Variants in TMPRSS15 observed in about 807,000 individuals in gnomAD.
The protein encoded by TMPRSS15 is transmembrane serine protease 15.
TMPRSS15 carries 128 observed loss-of-function variants against 125.3 expected under a neutral mutation model. The ratio of observed to expected loss-of-function variants is 1.02; its 90% CI spans 0.89 to 1.18. TMPRSS15 has a LOEUF of 1.18. TMPRSS15 is among the 50% of genes most tolerant of loss of function. TMPRSS15 has a pLI of 0.00. For synonymous variants in TMPRSS15, 446 were observed against 423.2 expected (o/e 1.05, Z -0.66); for missense variants, 1,283 against 1,212.7 (o/e 1.06, Z -0.86).
chr21:18,385,767 T>C (rs2075938313), intron 3 of TMPRSS15, among the ~76,000 whole-genome samples: 1 of 151,990 alleles, frequency 6.6e-6, no homozygotes, highest in Admixed American at 6.6e-5. Flanking sequence ...TTTTTTGAGA[T>C]GGAGTCTCTC....
intron 1 of TMPRSS15, among the ~76,000 whole-genome samples, chr21:18,413,160 T>C (rs528619057): frequency 6.6e-6 from 1 of 152,206 alleles, no homozygotes; most frequent in East Asian, 1.9e-4. Flanking sequence ...AATTAGAAAT[T>C]TAAGTGTAAT....
At chr21:18,428,387 A>C (rs558360100) in intron 1 of TMPRSS15, among the ~76,000 whole-genome samples, 2 of 152,200 alleles carry the variant, frequency 1.3e-5, no homozygotes, top group African/African-American at 4.8e-5. Flanking sequence ...AGAAATTTGC[A>C]TAAGTAACAA....
intron 6 of TMPRSS15, among the ~76,000 whole-genome samples, chr21:18,371,970 A>C (rs1336969577): frequency 6.6e-6 from 1 of 152,012 alleles, no homozygotes; most frequent in Non-Finnish European, 1.5e-5. Context: ...TAATTAATTA[A>C]TATCTTTAAT....
chr21:18,296,340 C>T (rs2074907781), intron 19 of TMPRSS15, among the ~76,000 whole-genome samples: 1 of 152,162 alleles, frequency 6.6e-6, no homozygotes, highest in South Asian at 2.1e-4. Context: ...ATAATAAATG[C>T]ATAAATAAAT....
intron 1 of TMPRSS15, among the ~76,000 whole-genome samples, chr21:18,435,166 T>C (rs2076225120): frequency 6.6e-6 from 1 of 152,146 alleles, no homozygotes; most frequent in South Asian, 2.1e-4. Flanking sequence ...ACCAACACTA[T>C]GTTGAATAGG....
chr21:18,466,949 C>T (rs1230146599), intron 1 of TMPRSS15, among the ~76,000 whole-genome samples: 1 of 152,130 alleles, frequency 6.6e-6, no homozygotes, highest in Non-Finnish European at 1.5e-5. Flanking sequence ...ACTATAAAGA[C>T]ACATGCACAT....
chr21:18,343,402 G>C (rs2075469133), intron 12 of TMPRSS15, 104 bp downstream of exon 12: 1 of 1,111,614 alleles, frequency 9.0e-7, no homozygotes, highest in Admixed American at 2.3e-5. Context: ...AAAGTGACTT[G>C]ATTATCTTCA....
chr21:18,475,906 T>C (rs976921182), intron 1 of TMPRSS15, among the ~76,000 whole-genome samples: 4 of 152,200 alleles, frequency 2.6e-5, no homozygotes, highest in Admixed American at 1.3e-4. Context: ...TTTTCTCACA[T>C]AAAATTATGT....
intron 1 of TMPRSS15, among the ~76,000 whole-genome samples, chr21:18,421,322 A>G (rs1468942043): frequency 1.3e-5 from 2 of 152,148 alleles, no homozygotes; most frequent in Non-Finnish European, 2.9e-5. Context: ...GGTTGAAAGT[A>G]TTGGTTCTGG....
chr21:18,433,306 C>A (rs1349439442), intron 1 of TMPRSS15, among the ~76,000 whole-genome samples: 3 of 152,178 alleles, frequency 2.0e-5, no homozygotes, highest in Admixed American at 1.3e-4. Context: ...TTGGTGTTAT[C>A]CACATCTTGT....
chr21:18,289,417 C>A (rs1053349515), intron 21 of TMPRSS15, among the ~76,000 whole-genome samples: 3 of 152,124 alleles, frequency 2.0e-5, no homozygotes, highest in Non-Finnish European at 2.9e-5. Flanking sequence ...GAGGCTGAGG[C>A]AGGAAAATCG....
intron 1 of TMPRSS15, among the ~76,000 whole-genome samples, chr21:18,470,360 G>T (rs1346339269): frequency 6.6e-6 from 1 of 151,362 alleles, no homozygotes; most frequent in African/African-American, 2.4e-5. Context: ...CCCTGTCCTT[G>T]CAAACTGTCA....
At chr21:18,472,382 TA>T (rs1357376970) in intron 1 of TMPRSS15, among the ~76,000 whole-genome samples, 1 of 151,384 alleles carries the variant, frequency 6.6e-6, no homozygotes, top group Non-Finnish European at 1.5e-5. Context: ...TCAATTCAGG[TA>T]GCCAATTATT....
intron 13 of TMPRSS15, among the ~76,000 whole-genome samples, chr21:18,334,352 T>C (rs1181804911): frequency 6.6e-6 from 1 of 152,198 alleles, no homozygotes; most frequent in East Asian, 1.9e-4. Context: ...TAGACCCAGA[T>C]GAACTTATCA....
chr21:18,474,984 G>T (rs1056212239), intron 1 of TMPRSS15, among the ~76,000 whole-genome samples: 1 of 152,090 alleles, frequency 6.6e-6, no homozygotes, highest in African/African-American at 2.4e-5. Flanking sequence ...ACAGCTACGT[G>T]GTCTAGGAAG....
intron 21 of TMPRSS15, among the ~76,000 whole-genome samples, chr21:18,289,349 C>A (rs1476876140): frequency 6.6e-6 from 1 of 152,062 alleles, no homozygotes; most frequent in East Asian, 1.9e-4. Context: ...CCCGTCTCTA[C>A]TAAAAATGCA....
At chr21:18,362,113 A>C (rs375529996) in intron 7 of TMPRSS15, among the ~76,000 whole-genome samples, 4 of 152,126 alleles carry the variant, frequency 2.6e-5, no homozygotes, top group East Asian at 3.9e-4. Flanking sequence ...AAGGGGATCA[A>C]GGTGAGAGAG....
At chr21:18,483,660 T>C (rs1489524093) in intron 1 of TMPRSS15, among the ~76,000 whole-genome samples, 3 of 151,898 alleles carry the variant, frequency 2.0e-5, no homozygotes, top group Non-Finnish European at 4.4e-5. Flanking sequence ...TAGAAATATA[T>C]CTGGATATTA....
In TMPRSS15 at chr21:18,403,551, G is replaced by A. The variant is rs188790942; in HGVS notation, c.72C>T (p.Leu24=). 1.9e-6 allele frequency: 3 copies of A among 1,614,180 alleles called. No homozygotes were observed. Among genetic ancestry groups the A allele is most frequent in the African/African-American group, 1.3e-5 (1 of 75,054 alleles). The part of the protein sequence containing the change: ...LSSYEIMFAA[L]FAILVVLCAG... ...CACAGAGCACTACCAATATGGCAAA[G>A]AGAGCTGCAAACATGATTTCATAGG... Residue 24 remains leucine (L), a synonymous_variant, in exon 1 of 25, where the codon CTC becomes CTT. Transcript: ENST00000284885.
Sources: allele counts gnomAD v4.1 joint callset (sites outside exome capture counted in the v4.1 genomes callset), GRCh38; gene constraint gnomAD v4.1.1; transcripts MANE v1.5; gene names NCBI Gene and HGNC (gene_info 2026-07-23, HGNC 2026-07-21).